MMD2: variants seen among roughly 807,000 people sequenced by gnomAD.
The protein encoded by MMD2 is monocyte to macrophage differentiation factor 2.
Under a neutral mutation model 33.5 loss-of-function variants are expected in MMD2, and 30 were observed. The ratio of observed to expected loss-of-function variants is 0.90; its 90% CI spans 0.67 to 1.22. The LOEUF is 1.22. MMD2 is among the 50% of genes most tolerant of loss of function. The pLI is 0.00. For synonymous variants in MMD2, 129 were observed against 123.0 expected, an observed-to-expected ratio of 1.05 and a Z score of -0.32; for missense variants, 364 against 325.4, an observed-to-expected ratio of 1.12 and a Z score of -0.91.
intron 6 of MMD2, among the ~76,000 whole-genome samples, chr7:4,908,332 G>C (rs1429503693): frequency 6.6e-6 from 1 of 151,642 alleles, no homozygotes; most frequent in African/African-American, 2.4e-5. Context: ...AGTAGAGATG[G>C]GGTTTCACCA....
the MMD2 span, among the ~76,000 whole-genome samples, chr7:4,898,688 T>C: frequency 3.3e-5 from 5 of 152,128 alleles, no homozygotes; most frequent in Non-Finnish European, 7.4e-5. Context: ...TCACTTGAGG[T>C]CAGGAGTTCA....
rs6947590 is a variant in MMD2 at position 4,907,616 on chromosome 7, G to T, written c.538-17C>A. On this transcript the variant is annotated splice_polypyrimidine_tract_variant and intron_variant, in intron 6 of 6. Transcript: ENST00000401401. ...GGTGTTGGGCTGTCGGCAAGGACAA[G>T]GGTGGGGCACAGGTCAGAGGGGCAG... 644 of 1,611,756 alleles carry T rather than the reference G, an allele frequency of 4.0e-4. 7 individuals carry two copies. In the African/African-American group the frequency reaches 7.5e-3, roughly 19 times the overall value.
chr7:4,896,760 C>T, the MMD2 span, among the ~76,000 whole-genome samples: 1 of 152,186 alleles, frequency 6.6e-6, no homozygotes, highest in Non-Finnish European at 1.5e-5. Flanking sequence ...TTTGTCTTTT[C>T]TAAATACCCC....
intron 1 of MMD2, among the ~76,000 whole-genome samples, chr7:4,955,324 C>A (rs1442071051): frequency 6.6e-6 from 1 of 152,212 alleles, no homozygotes; most frequent in African/African-American, 2.4e-5. Flanking sequence ...TGGTTACTTA[C>A]ATCAAAGACT....
chr7:4,958,185 G>A (rs1194640981), intron 1 of MMD2, among the ~76,000 whole-genome samples: 2 of 152,154 alleles, frequency 1.3e-5, no homozygotes, highest in Non-Finnish European at 2.9e-5. Flanking sequence ...TGTGCTCGCC[G>A]AAGACCACTG....
chr7:4,918,176 G>A (rs540841742), intron 3 of MMD2, among the ~76,000 whole-genome samples: 1 of 152,260 alleles, frequency 6.6e-6, no homozygotes, highest in East Asian at 1.9e-4. Flanking sequence ...CACAGCTAAA[G>A]CTCTCAAACT....
chr7:4,952,875 A>G (rs1187280238), intron 1 of MMD2, among the ~76,000 whole-genome samples: 1 of 151,920 alleles, frequency 6.6e-6, no homozygotes, highest in Non-Finnish European at 1.5e-5. Context: ...TATTTTTAGT[A>G]GAGAAGGGGT....
downstream of MMD2, among the ~76,000 whole-genome samples, chr7:4,902,341 G>C (rs983451849): frequency 1.3e-5 from 2 of 152,234 alleles, no homozygotes; most frequent in Non-Finnish European, 2.9e-5. Context: ...AAGCAGCCAG[G>C]TCTGGCCAAG....
At chr7:4,914,821 C>T (rs982596376) in intron 4 of MMD2, among the ~76,000 whole-genome samples, 25 of 152,120 alleles carry the variant, frequency 1.6e-4, no homozygotes, top group African/African-American at 5.8e-4. Flanking sequence ...GTCCTAGCTA[C>T]TCAGGGGGCT....
chr7:4,927,708 A>G (rs1232029022), intron 1 of MMD2, among the ~76,000 whole-genome samples: 1 of 152,176 alleles, frequency 6.6e-6, no homozygotes, highest in Non-Finnish European at 1.5e-5. Flanking sequence ...CTCATTCTCA[A>G]AAAAACCAAA....
intron 1 of MMD2, among the ~76,000 whole-genome samples, chr7:4,943,386 A>T (rs1785965026): frequency 6.6e-6 from 1 of 151,566 alleles, no homozygotes; most frequent in African/African-American, 2.4e-5. Context: ...CTCGTGATCC[A>T]CCTGCCTCAG....
At chr7:4,922,043 T>C (rs569962866) in intron 2 of MMD2, among the ~76,000 whole-genome samples, 2 of 151,064 alleles carry the variant, frequency 1.3e-5, no homozygotes, top group Non-Finnish European at 2.9e-5. Context: ...CTGGCCAACA[T>C]GGTAAAACCC....
intron 1 of MMD2, among the ~76,000 whole-genome samples, chr7:4,958,237 C>G (rs1419120195): frequency 6.6e-6 from 1 of 152,186 alleles, no homozygotes; most frequent in Admixed American, 6.5e-5. Context: ...TTCATGCCAG[C>G]TTCCAGGCAA....
chr7:4,934,325 A>C lies in MMD2; in HGVS notation c.48-8793T>G, dbSNP rs142570929. On this transcript the variant is annotated intron_variant, in intron 1 of 6. Transcript: ENST00000401401. ...TGCCATGTTGCCCAGGCTGGTCTCAAACTGCTGGTCTCAAGCAATCCTCCC... is the reference window on the plus strand; with the variant it reads ...TGCCATGTTGCCCAGGCTGGTCTCACACTGCTGGTCTCAAGCAATCCTCCC... Among the ~76,000 whole-genome samples, 666 of 152,262 alleles carry C rather than the reference A, an allele frequency of 4.4e-3. 1 individual carries two copies. The highest frequency in any genetic ancestry group is 0.015 in the African/African-American group (616 of 41,568).
At position 4,940,467 on chromosome 7, in the gene MMD2, C is replaced by T. The variant is rs772517050; in HGVS notation, c.48-14935G>A. ...GGACAGAGGACTAGAGAGATTTGCC[C>T]GGGCTCCTACACAAAGGGGGTTCTG... On this transcript the variant is annotated intron_variant, in intron 1 of 6. Coordinates refer to ENST00000401401, the MANE Select transcript of MMD2 (RefSeq NM_198403.4). The surrounding 1 kb of genome is among the most constrained non-coding windows in gnomAD (Gnocchi z 5.0). 2.0e-5 allele frequency among the ~76,000 whole-genome samples: 3 copies of T among 152,214 alleles called. No homozygotes were observed. Among genetic ancestry groups the T allele is most frequent in the East Asian group, 1.9e-4 (1 of 5,190 alleles).
intron 1 of MMD2, among the ~76,000 whole-genome samples, chr7:4,950,380 G>A (rs542949491): frequency 7.1e-4 from 108 of 152,272 alleles, no homozygotes; most frequent in Non-Finnish European, 1.1e-3. Flanking sequence ...TTACAGGCGT[G>A]AGCCACTGCA....
intron 2 of MMD2, among the ~76,000 whole-genome samples, chr7:4,921,783 T>G (rs1343683213): frequency 6.6e-6 from 1 of 151,990 alleles, no homozygotes; most frequent in Non-Finnish European, 1.5e-5. Context: ...GGGCGCCGGA[T>G]GGGGACAGGT....
intron 1 of MMD2, among the ~76,000 whole-genome samples, chr7:4,935,777 T>C (rs1785724791): frequency 6.6e-6 from 1 of 152,110 alleles, no homozygotes; most frequent in African/African-American, 2.4e-5. Flanking sequence ...GTTTCTTGCT[T>C]TGGACCCTGT....
chr7:4,929,977 G>A (rs1234169819), intron 1 of MMD2, among the ~76,000 whole-genome samples: 1 of 151,980 alleles, frequency 6.6e-6, no homozygotes, highest in African/African-American at 2.4e-5. Flanking sequence ...CATTAGTTAA[G>A]ATGAGGCCAG....
Sources: allele counts gnomAD v4.1 joint callset (sites outside exome capture counted in the v4.1 genomes callset), GRCh38; gene constraint gnomAD v4.1.1; non-coding constraint Gnocchi (gnomAD v3.1); transcripts MANE v1.5; gene names NCBI Gene and HGNC (gene_info 2026-07-23, HGNC 2026-07-21).